Variants in TMEM120B observed in about 807,000 individuals in gnomAD.
TMEM120B encodes transmembrane protein 120B.
Under a neutral mutation model 55.5 loss-of-function variants are expected in TMEM120B, and 31 were observed. The ratio of observed to expected loss-of-function variants is 0.56; its 90% CI spans 0.42 to 0.75. TMEM120B has a LOEUF of 0.75. Among genes scored for constraint, TMEM120B ranks in the 30% least tolerant of loss-of-function variants. TMEM120B has a pLI of 0.00. For missense variants in TMEM120B, 399 were observed against 425.5 expected (o/e 0.94, Z 0.55); for synonymous variants, 203 against 176.3 (o/e 1.15, Z -1.20).
At chr12:121,734,179 G>A (rs1895059568) in intron 1 of TMEM120B, among the ~76,000 whole-genome samples, 1 of 151,862 alleles carries the variant, frequency 6.6e-6, no homozygotes, top group Admixed American at 6.6e-5. Flanking sequence ...GCTCTGTGAT[G>A]TCTGGTGCCT....
At chr12:121,741,158 C>T (rs1015116564) in intron 1 of TMEM120B, among the ~76,000 whole-genome samples, 11 of 151,954 alleles carry the variant, frequency 7.2e-5, no homozygotes, top group Non-Finnish European at 1.3e-4. Context: ...TGGCCTGCGG[C>T]GGTGGTTTAC....
chr12:121,734,486 G>A lies in TMEM120B; in HGVS notation c.70-9143G>A, dbSNP rs554798138. Among the ~76,000 whole-genome samples, 7 of 152,052 alleles carry A rather than the reference G, an allele frequency of 4.6e-5. No individual in the cohort carries two copies. In the East Asian group the frequency reaches 7.7e-4, roughly 17 times the overall value. ...TTGGTCAGGTTGGTCTCGAACTCCCGACCTCAGATGATCCACCCACCTTGG... is the reference window on the plus strand; with the variant it reads ...TTGGTCAGGTTGGTCTCGAACTCCCAACCTCAGATGATCCACCCACCTTGG... On this transcript the variant is annotated intron_variant, in intron 1 of 11. Transcript: ENST00000449592.
At chr12:121,724,260 C>A (rs187933440) in intron 1 of TMEM120B, among the ~76,000 whole-genome samples, 1,955 of 152,100 alleles carry the variant, frequency 0.013, 20 homozygotes, top group South Asian at 0.041. Context: ...TGGTCTTGAA[C>A]TCCTGACTTC....
chr12:121,725,153 G>C (rs1398347068), intron 1 of TMEM120B, among the ~76,000 whole-genome samples: 2 of 152,042 alleles, frequency 1.3e-5, no homozygotes, highest in African/African-American at 4.8e-5. Context: ...TTGTTTGTTT[G>C]TTTGGATTGG....
At chr12:121,722,022 C>T (rs536028728) in intron 1 of TMEM120B, among the ~76,000 whole-genome samples, 11 of 149,590 alleles carry the variant, frequency 7.4e-5, no homozygotes, top group South Asian at 4.2e-4. Context: ...AGGATGGTCT[C>T]GATCTCTTGA....
At chr12:121,774,994 C>T in intron 10 of TMEM120B, 68 bp from the exon 11 acceptor site, 1 of 1,567,426 alleles carries the variant, frequency 6.4e-7, no homozygotes. Context: ...GCCTGGCCAT[C>T]ACCCTGGCTT....
chr12:121,754,312 G>A (rs1873417795), intron 5 of TMEM120B, among the ~76,000 whole-genome samples: 1 of 152,212 alleles, frequency 6.6e-6, no homozygotes, highest in Admixed American at 6.5e-5. Flanking sequence ...GACCTCCAGG[G>A]CCCTCCGAAG....
chr12:121,717,721 G>T (rs1028946694), intron 1 of TMEM120B, among the ~76,000 whole-genome samples: 1 of 152,118 alleles, frequency 6.6e-6, no homozygotes, highest in Non-Finnish European at 1.5e-5. Context: ...GCAGTGGCTC[G>T]ATCTCAGCTC....
At position 121,740,212 on chromosome 12, in the gene TMEM120B, C is replaced by T. The variant is rs886127377; in HGVS notation, c.70-3417C>T. Among the ~76,000 whole-genome samples the T allele has an allele frequency of 3.9e-5, 6 of 151,954 alleles. No individual in the cohort carries two copies. The East Asian group carries it at 5.8e-4, about 15-fold the overall frequency. On this transcript the variant is annotated intron_variant, in intron 1 of 11. Transcript: ENST00000449592. The stretch of plus-strand genomic sequence containing the variant: ...TAAAGAAAGCTAGAGAGGCCTGGCA[C>T]GGTGGCTCATGCTTGTAATCCCAGC...
rs557051379 is a variant in TMEM120B, at chr12:121,775,749, G to A, written c.*27G>A. 8.4e-5 allele frequency: 136 copies of A among 1,611,568 alleles called. No homozygotes were observed. Among genetic ancestry groups the A allele is most frequent in the Non-Finnish European group, 1.0e-4 (121 of 1,179,060 alleles). On this transcript the variant is annotated 3_prime_UTR_variant, in exon 12 of 12. Transcript: ENST00000449592. The surrounding 1 kb of genome is among the most constrained non-coding windows in gnomAD (Gnocchi z 4.3). ...CCTCGGGCTCCTGTGCCCTCGGCCC[G>A]GACTTCAGACTGCAGGGGGCTCCCG... is the stretch of plus-strand genomic sequence containing the variant.
At chr12:121,765,701 G>A (rs1369882385) in intron 6 of TMEM120B, among the ~76,000 whole-genome samples, 1 of 152,192 alleles carries the variant, frequency 6.6e-6, no homozygotes, top group Non-Finnish European at 1.5e-5. Flanking sequence ...CGGGGAGGGA[G>A]CAAGGCAGGT....
chr12:121,745,862 ATTG>A (rs754254951), intron 2 of TMEM120B, among the ~76,000 whole-genome samples: 5 of 149,250 alleles, frequency 3.4e-5, no homozygotes, highest in Non-Finnish European at 5.9e-5. Context: ...GTTTTTTGTT[ATTG>A]TTGTTGTTGT....
At chr12:121,722,472 T>C (rs1249656813) in intron 1 of TMEM120B, among the ~76,000 whole-genome samples, 1 of 152,186 alleles carries the variant, frequency 6.6e-6, no homozygotes, top group African/African-American at 2.4e-5. Flanking sequence ...TAGTAGTTTT[T>C]ATAACACAAC....
intron 5 of TMEM120B, chr12:121,759,052 T>C (rs1873581951): frequency 1.0e-6 from 1 of 983,396 alleles, no homozygotes; most frequent in Admixed American, 6.2e-5. Flanking sequence ...TTACAGATGG[T>C]TTAAGGGGAC....
At position 121,733,590 on chromosome 12, in the gene TMEM120B, A is replaced by G. The variant is rs1895045429; in HGVS notation, c.70-10039A>G. On this transcript the variant is annotated intron_variant, in intron 1 of 11. Transcript: ENST00000449592. ...AGTCTCACTCTGTTGCCCAGGCCGG[A>G]GTGCAATGGTGTGACCTCGGCTCAC... 2.7e-5 allele frequency among the ~76,000 whole-genome samples: 4 copies of G among 146,818 alleles called. No homozygotes were observed. In the Admixed American group the frequency reaches 2.8e-4, roughly 10 times the overall value.
At chr12:121,755,129 G>A (rs1302811551) in intron 5 of TMEM120B, among the ~76,000 whole-genome samples, 3 of 152,182 alleles carry the variant, frequency 2.0e-5, no homozygotes, top group Non-Finnish European at 2.9e-5. Flanking sequence ...TAGCTAGTGC[G>A]TCCACAGAGC....
chr12:121,732,787 G>C (rs964025309), intron 1 of TMEM120B, among the ~76,000 whole-genome samples: 8 of 152,044 alleles, frequency 5.3e-5, no homozygotes, highest in South Asian at 2.1e-4. Context: ...AGACCATCCT[G>C]GTTAACATGG....
In TMEM120B at chr12:121,776,023, G is replaced by A; in HGVS notation, c.*301G>A. 1.7e-6 allele frequency: 1 copy of A among 589,736 alleles called. No homozygotes were observed. The highest frequency in any genetic ancestry group is 2.8e-5 in the East Asian group (1 of 35,578). 36.5% of individuals were successfully genotyped at this position (589,736 alleles called of 1,614,324 possible). A position where few individuals can be genotyped will look rare whatever the true frequency, so the allele number is the denominator to read the frequency against. On this transcript the variant is annotated 3_prime_UTR_variant, in exon 12 of 12. Coordinates refer to ENST00000449592, the MANE Select transcript of TMEM120B (RefSeq NM_001080825.2). ...CTGGGGATGGGGCCTGAAGCCTCAG[G>A]GAGCCCCTCTGTTCCCACTCCTGTC...
intron 1 of TMEM120B, among the ~76,000 whole-genome samples, chr12:121,726,987 G>A (rs1437613887): frequency 1.3e-5 from 2 of 150,888 alleles, no homozygotes; most frequent in African/African-American, 4.9e-5. Context: ...CACTTTGGGA[G>A]GCTAAGGCAG....
Sources: allele counts gnomAD v4.1 joint callset (sites outside exome capture counted in the v4.1 genomes callset), GRCh38; gene constraint gnomAD v4.1.1; non-coding constraint Gnocchi (gnomAD v3.1); transcripts MANE v1.5; gene names NCBI Gene and HGNC (gene_info 2026-07-23, HGNC 2026-07-21).